PCNX2: variants seen among roughly 807,000 people sequenced by gnomAD.
PCNX2 encodes pecanex 2.
A neutral mutation model predicts 223.8 loss-of-function variants in PCNX2; 168 were observed. That is an observed-to-expected ratio of 0.75 (90% CI 0.66 to 0.85). The LOEUF is 0.85. PCNX2 is among the 40% of genes least tolerant of loss of function. The pLI is 0.00. For missense variants in PCNX2, 2,507 were observed against 2,675.5 expected, an observed-to-expected ratio of 0.94 and a Z score of 1.39; for synonymous variants, 1,006 against 1,052.6, an observed-to-expected ratio of 0.96 and a Z score of 0.86.
intron 17 of PCNX2, among the ~76,000 whole-genome samples, chr1:233,164,546 A>T: frequency 6.6e-6 from 1 of 151,872 alleles, no homozygotes; most frequent in Admixed American, 6.6e-5. Context: ...CTAAGTGGCC[A>T]TAAACCAATA....
intron 25 of PCNX2, among the ~76,000 whole-genome samples, chr1:233,027,484 GA>G (rs1671119684): frequency 1.3e-5 from 2 of 152,162 alleles, no homozygotes; most frequent in Admixed American, 6.5e-5. Flanking sequence ...TTTTTCCAAA[GA>G]AGCATCACTT....
At chr1:233,172,353 A>C in intron 17 of PCNX2, 1 of 985,354 alleles carries the variant, frequency 1.0e-6, no homozygotes, top group Non-Finnish European at 1.2e-6. Context: ...ATTGGGTACC[A>C]CGTTAAATGT....
At chr1:233,241,346 A>G in intron 8 of PCNX2, 2 of 985,468 alleles carry the variant, frequency 2.0e-6, no homozygotes, top group Non-Finnish European at 2.4e-6. Flanking sequence ...CTTTCAGAGA[A>G]AATGCCCCAG....
chr1:233,213,500 G>A lies in PCNX2; in HGVS notation c.2691+4399C>T, dbSNP rs573998746. ...TTAATACAGCGAAACTGGGAATGGG[G>A]TATACAGACACTCTTAGTACCACTT... On this transcript the variant is annotated intron_variant, in intron 12 of 33. Coordinates refer to ENST00000258229, the MANE Select transcript of PCNX2 (RefSeq NM_014801.4). 3.1e-4 allele frequency among the ~76,000 whole-genome samples: 47 copies of A among 152,220 alleles called. 2 individuals are homozygous for A. In the South Asian group the frequency reaches 6.0e-3, roughly 20 times the overall value.
chr1:233,183,051 C>T (rs7547957), intron 15 of PCNX2, among the ~76,000 whole-genome samples: 5,976 of 152,230 alleles, frequency 0.039, 200 homozygotes, highest in African/African-American at 0.089. Flanking sequence ...GAAACACTTT[C>T]ACTATGTTCT....
chr1:233,025,204 G>C lies in PCNX2; in HGVS notation c.4547C>G (p.Ala1516Gly). ...GTCAAACACCTGCAGCATGGTGGCC[G>C]CGTTGTTGTCCAGGATGCTGTAGCC... ...LEGYSILDNN[A>G]ATMLQVFDLR... Residue 1516 changes from alanine (A) to glycine (G), a missense_variant, in exon 26 of 34, where the codon GCG becomes GGG. By Grantham distance (60) the Ala-to-Gly change is moderately conservative. Coordinates refer to ENST00000258229, the MANE Select transcript of PCNX2 (RefSeq NM_014801.4). The C allele has an allele frequency of 6.2e-7, 1 of 1,613,990 alleles. No homozygotes were observed. Among genetic ancestry groups the C allele is most frequent in the Non-Finnish European group, 8.5e-7 (1 of 1,179,878 alleles).
chr1:233,195,994 G>A (rs368192983), intron 15 of PCNX2, among the ~76,000 whole-genome samples: 1 of 152,048 alleles, frequency 6.6e-6, no homozygotes, highest in East Asian at 1.9e-4. Context: ...GAATAAAATT[G>A]GGAGACACAC....
At chr1:233,181,466 G>A (rs551747320) in intron 15 of PCNX2, among the ~76,000 whole-genome samples, 1 of 152,210 alleles carries the variant, frequency 6.6e-6, no homozygotes, top group South Asian at 2.1e-4. Context: ...GCAAAGTGCT[G>A]GGATTAAAGG....
At chr1:233,042,805 AG>A (rs1195472207) in intron 25 of PCNX2, among the ~76,000 whole-genome samples, 1 of 152,202 alleles carries the variant, frequency 6.6e-6, no homozygotes, top group Non-Finnish European at 1.5e-5. Context: ...GGAGTTTTCA[AG>A]GGGCTATGCA....
chr1:233,066,766 A>T (rs1233389445), intron 23 of PCNX2, among the ~76,000 whole-genome samples: 1 of 152,202 alleles, frequency 6.6e-6, no homozygotes, highest in Non-Finnish European at 1.5e-5. Flanking sequence ...CTGAGTGAGG[A>T]ACCTAGACTT....
Position 232,998,234 on chromosome 1 carries a change from G to T in PCNX2, c.5791+17C>A. 6.6e-7 allele frequency: 1 copy of T among 1,515,838 alleles called. No individual in the cohort carries two copies. The highest frequency in any genetic ancestry group is 1.3e-5 in the South Asian group (1 of 75,676). 93.9% of individuals were successfully genotyped at this position (1,515,838 alleles called of 1,614,324 possible). On this transcript the variant is annotated intron_variant, in intron 32 of 33. Transcript: ENST00000258229. Reference sequence around the variant, plus strand: ...ATAGGACTTCATCGATAGTTTGGAGGCCCCTGCTGCACCCACCTGTTCTCT... The same window carrying T: ...ATAGGACTTCATCGATAGTTTGGAGTCCCCTGCTGCACCCACCTGTTCTCT...
intron 21 of PCNX2, among the ~76,000 whole-genome samples, chr1:233,108,292 C>T (rs985441105): frequency 6.6e-6 from 1 of 152,148 alleles, no homozygotes; most frequent in Non-Finnish European, 1.5e-5. Context: ...GGAATCCTTT[C>T]CTGTACCACA....
At chr1:233,308,478 GAA>G in the PCNX2 span, among the ~76,000 whole-genome samples, 39 of 148,392 alleles carry the variant, frequency 2.6e-4, no homozygotes, top group African/African-American at 6.9e-4. Context: ...AAAAAAGAAA[GAA>G]AAAGAAAAAG....
intron 17 of PCNX2, among the ~76,000 whole-genome samples, chr1:233,176,895 G>T (rs570035936): frequency 6.6e-6 from 1 of 152,238 alleles, no homozygotes; most frequent in African/African-American, 2.4e-5. Context: ...GGCACCTGTA[G>T]TCCCAGCTAC....
chr1:233,005,058 G>A (rs556677600), intron 28 of PCNX2, among the ~76,000 whole-genome samples: 1 of 152,330 alleles, frequency 6.6e-6, no homozygotes, highest in Non-Finnish European at 1.5e-5. Context: ...TTCGAAACAT[G>A]AATAATGACC....
chr1:233,069,324 T>C (rs1672748942), intron 23 of PCNX2, among the ~76,000 whole-genome samples: 1 of 152,116 alleles, frequency 6.6e-6, no homozygotes, highest in African/African-American at 2.4e-5. Context: ...TCAACGATAA[T>C]ATAGAAGAAC....
intron 1 of PCNX2, among the ~76,000 whole-genome samples, chr1:233,274,004 G>A (rs552612288): frequency 6.6e-6 from 1 of 152,220 alleles, no homozygotes; most frequent in South Asian, 2.1e-4. Flanking sequence ...AATACTACTA[G>A]GACATTTAAC....
At chr1:233,110,640 GCTCTAAAAGAGCAATTTTC>G (rs1329787714) in intron 21 of PCNX2, among the ~76,000 whole-genome samples, 1 of 151,990 alleles carries the variant, frequency 6.6e-6, no homozygotes, top group Non-Finnish European at 1.5e-5. Flanking sequence ...ATTTTTAATT[GCTCTAAAAGAGCAATTTTC>G]CTCTAAAGCA....
At chr1:233,266,292 G>A (rs367998757) in intron 1 of PCNX2, among the ~76,000 whole-genome samples, 1 of 152,140 alleles carries the variant, frequency 6.6e-6, no homozygotes, top group Admixed American at 6.5e-5. Flanking sequence ...AGGATCTCTT[G>A]AGCCCAGGAG....
Sources: allele counts gnomAD v4.1 joint callset (sites outside exome capture counted in the v4.1 genomes callset), GRCh38; gene constraint gnomAD v4.1.1; transcripts MANE v1.5; gene names NCBI Gene and HGNC (gene_info 2026-07-23, HGNC 2026-07-21).